PDLIM4: variants seen among roughly 807,000 people sequenced by gnomAD.
PDLIM4 encodes the protein PDZ and LIM domain 4, also known as PDZ and LIM domain protein 4.
A neutral mutation model predicts 31.3 loss-of-function variants in PDLIM4; 19 were observed. The ratio of observed to expected loss-of-function variants is 0.61; its 90% CI spans 0.42 to 0.89. PDLIM4 has a LOEUF of 0.89. Among genes scored for constraint, PDLIM4 ranks in the 40% least tolerant of loss-of-function variants. The probability of loss-of-function intolerance (pLI) is 0.00; values close to 1 mark genes in which losing one functional copy is unlikely to be tolerated. For synonymous variants in PDLIM4, 176 were observed against 190.1 expected, an observed-to-expected ratio of 0.93 and a Z score of 0.61; for missense variants, 442 against 461.1, an observed-to-expected ratio of 0.96 and a Z score of 0.38.
chr5:132,258,184 C>T (rs1455325646), intron 1 of PDLIM4, among the ~76,000 whole-genome samples: 2 of 152,228 alleles, frequency 1.3e-5, no homozygotes, highest in Non-Finnish European at 2.9e-5. Context: ...TCACCCCCTG[C>T]CTGAAGATCT....
chr5:132,271,021 T>G lies in PDLIM4; in HGVS notation c.434T>G (p.Val145Gly), dbSNP rs999578528. ...SPYGQPPRFP[V>G]PHNGSSEATL... Reference sequence around the variant, plus strand: ...TATGGACAACCCCCTCGCTTTCCAGTCCCTCACAATGGCAGCAGCGAGGCC... The same window carrying G: ...TATGGACAACCCCCTCGCTTTCCAGGCCCTCACAATGGCAGCAGCGAGGCC... The change falls in exon 4 of 7, where the codon GTC becomes GGC. Residue 145 changes from valine to glycine, a missense_variant. Physicochemically the swap from Val to Gly is moderately radical, Grantham distance 109. Coordinates refer to ENST00000253754, the MANE Select transcript of PDLIM4 (RefSeq NM_003687.4). 5 of 1,613,896 alleles carry G rather than the reference T, an allele frequency of 3.1e-6. No homozygotes were observed. In the African/African-American group the frequency reaches 5.3e-5, roughly 17 times the overall value.
In PDLIM4 at chr5:132,271,009, C is replaced by G. The variant is rs774632369; in HGVS notation, c.422C>G (p.Pro141Arg). Residue 141 changes from proline to arginine, a missense_variant, in exon 4 of 7, where the codon CCT becomes CGT. Coordinates refer to ENST00000253754, the MANE Select transcript of PDLIM4 (RefSeq NM_003687.4). ...PSLGSPYGQP[P>R]RFPVPHNGSS... Reference sequence around the variant, plus strand: ...CTGGGATCTCCATATGGACAACCCCCTCGCTTTCCAGTCCCTCACAATGGC... The same window carrying G: ...CTGGGATCTCCATATGGACAACCCCGTCGCTTTCCAGTCCCTCACAATGGC... 2 of 1,614,126 alleles carry G rather than the reference C, an allele frequency of 1.2e-6. No individual in the cohort carries two copies. The highest frequency in any genetic ancestry group is 2.2e-5 in the East Asian group (1 of 44,882).
rs763873827 is a variant in PDLIM4, at chr5:132,271,006, C to G, written c.419C>G (p.Pro140Arg). The G allele has an allele frequency of 1.9e-6, 3 of 1,614,142 alleles. No individual in the cohort carries two copies. In the East Asian group the frequency reaches 6.7e-5, roughly 36 times the overall value. The change falls in exon 4 of 7, where the codon CCC (proline) becomes CGC (arginine). Residue 140 changes from proline to arginine, a missense_variant. Physicochemically the swap from Pro to Arg is moderately radical, Grantham distance 103 (BLOSUM62 -2). Transcript: ENST00000253754. ...AGCCTGGGATCTCCATATGGACAACCCCCTCGCTTTCCAGTCCCTCACAAT... is the reference window on the plus strand; with the variant it reads ...AGCCTGGGATCTCCATATGGACAACGCCCTCGCTTTCCAGTCCCTCACAAT... ...RPSLGSPYGQ[P>R]PRFPVPHNGS...
Position 132,271,908 on chromosome 5 carries a change from T to G in PDLIM4, c.788T>G (p.Val263Gly). The G allele has an allele frequency of 2.5e-6, 4 of 1,603,124 alleles. No individual in the cohort carries two copies. In the South Asian group the frequency reaches 4.4e-5, roughly 18 times the overall value. ...PECTRCGHGI[V>G]GTIVKARDKL... is the part of the protein sequence containing the mutation. Reference sequence around the variant, plus strand: ...TGCACGCGCTGCGGCCACGGCATCGTGTGAGTAACCGCCCCCGCTGCCCCT... The same window carrying G: ...TGCACGCGCTGCGGCCACGGCATCGGGTGAGTAACCGCCCCCGCTGCCCCT... The change falls in exon 6 of 7, where the codon GTG becomes GGG. Residue 263 changes from valine to glycine, a missense_variant and splice_region_variant. Physicochemically the swap from Val to Gly is moderately radical, Grantham distance 109. Transcript: ENST00000253754.
rs1430571421 is a variant in PDLIM4 at position 132,262,780 on chromosome 5, G to A, written c.245+20G>A. The A allele has an allele frequency of 6.3e-7, 1 of 1,597,156 alleles. No individual in the cohort carries two copies. The highest frequency in any genetic ancestry group is 2.3e-5 in the East Asian group (1 of 44,326). On this transcript the variant is annotated intron_variant, in intron 2 of 6. Coordinates refer to ENST00000253754, the MANE Select transcript of PDLIM4 (RefSeq NM_003687.4). ...GAGCAGGTATGCACAGGTGGGCTGGGCTGGGAGGATGGAAGGACGAGGTGG... is the reference window on the plus strand; with the variant it reads ...GAGCAGGTATGCACAGGTGGGCTGGACTGGGAGGATGGAAGGACGAGGTGG...
At chr5:132,269,500 T>A (rs1400484679) in intron 3 of PDLIM4, among the ~76,000 whole-genome samples, 1 of 151,374 alleles carries the variant, frequency 6.6e-6, no homozygotes, top group African/African-American at 2.4e-5. Context: ...TGCTGCTGCA[T>A]TGATGGGGGC....
intron 1 of PDLIM4, chr5:132,261,360 C>G (rs983683116): frequency 2.0e-5 from 3 of 152,284 alleles, no homozygotes; most frequent in Non-Finnish European, 2.9e-5. Flanking sequence ...TGGGCAGTGC[C>G]AACACCAGGC....
At position 132,271,069 on chromosome 5, in the gene PDLIM4, C is replaced by T. The variant is rs1756598073; in HGVS notation, c.482C>T (p.Thr161Ile). 2 of 1,614,094 alleles carry T rather than the reference C, an allele frequency of 1.2e-6. No homozygotes were observed. The highest frequency in any genetic ancestry group is 1.7e-6 in the Non-Finnish European group (2 of 1,179,942). Residue 161 changes from threonine to isoleucine, a missense_variant, in exon 4 of 7, where the codon ACC becomes ATC. Coordinates refer to ENST00000253754, the MANE Select transcript of PDLIM4 (RefSeq NM_003687.4). ...SEATLPAQMSTLHVSPPPSAD... is the reference protein window; with the variant it reads ...SEATLPAQMSILHVSPPPSAD... ...GCCACCCTGCCAGCCCAGATGAGCA[C>T]CCTGCATGTGTCTCCACCCCCCAGG...
In PDLIM4 at chr5:132,257,962, TAG is replaced by T. The variant is rs1041386209; in HGVS notation, c.93+138_93+139del. On this transcript the variant is annotated intron_variant, in intron 1 of 6. Transcript: ENST00000253754. This position sits in a 1 kb window ranked among gnomAD's most constrained non-coding sequence, Gnocchi z 4.3. ...GTTGGCCTGGGCGCCCCGCATGCTG[TAG>T]AGGCGGCTTCCAGGCAGAGGCAGGC... 1.9e-5 allele frequency: 9 copies of T among 479,922 alleles called. No individual in the cohort carries two copies. Among genetic ancestry groups the T allele is most frequent in the Non-Finnish European group, 2.9e-5 (8 of 280,228 alleles). The allele number at this position is 479,922 out of a possible 1,614,324, so 29.7% of individuals were successfully genotyped here.
In PDLIM4 at chr5:132,257,703, G is replaced by A. The variant is rs770411241; in HGVS notation, c.-32G>A. 2.9e-6 allele frequency: 4 copies of A among 1,374,546 alleles called. No homozygotes were observed. Among genetic ancestry groups the A allele is most frequent in the Non-Finnish European group, 3.9e-6 (4 of 1,037,898 alleles). The allele number at this position is 1,374,546 out of a possible 1,614,324, so 85.1% of individuals were successfully genotyped here. On this transcript the variant is annotated 5_prime_UTR_variant, in exon 1 of 7. Coordinates refer to ENST00000253754, the MANE Select transcript of PDLIM4 (RefSeq NM_003687.4). The surrounding 1 kb of genome is among the most constrained non-coding windows in gnomAD (Gnocchi z 4.3). ...CGGCGGCGGCTCCTCCTCAGAGTCC[G>A]GCTCAGGCTCCGGCTGCGGCTCCAG...
chr5:132,260,339 C>T (rs550616408), intron 1 of PDLIM4, among the ~76,000 whole-genome samples: 5 of 152,312 alleles, frequency 3.3e-5, no homozygotes, highest in African/African-American at 4.8e-5. Context: ...CTAGACGGAT[C>T]GGCCTGAATT....
At chr5:132,260,616 C>A (rs1190397513) in intron 1 of PDLIM4, among the ~76,000 whole-genome samples, 2 of 152,160 alleles carry the variant, frequency 1.3e-5, no homozygotes, top group Non-Finnish European at 2.9e-5. Flanking sequence ...TTCCCTTACC[C>A]CCTTTGGAAG....
chr5:132,272,380 C>T lies in PDLIM4; in HGVS notation c.*151C>T, dbSNP rs1756648359. On this transcript the variant is annotated 3_prime_UTR_variant, in exon 7 of 7. Transcript: ENST00000253754. The stretch of plus-strand genomic sequence containing the variant: ...TCCTGCGCAGGCCATGCATGGCTCC[C>T]GAGTACAGTAGTATCTGCTTAGGTG... 3.0e-6 allele frequency: 2 copies of T among 671,002 alleles called. No individual in the cohort carries two copies. The highest frequency in any genetic ancestry group is 2.2e-5 in the Admixed American group (1 of 46,210). The allele number at this position is 671,002 out of a possible 1,614,324, so 41.6% of individuals were successfully genotyped here. A position where few individuals can be genotyped will look rare whatever the true frequency, so the allele number is the denominator to read the frequency against.
intron 3 of PDLIM4, among the ~76,000 whole-genome samples, 189 bp from the exon 4 acceptor site, chr5:132,270,726 C>T (rs1224439320): frequency 1.3e-5 from 2 of 152,238 alleles, no homozygotes; most frequent in Non-Finnish European, 2.9e-5. Flanking sequence ...AGGGGCATAA[C>T]CAGTCCCCAG....
chr5:132,265,911 C>T (rs923853728), intron 2 of PDLIM4, among the ~76,000 whole-genome samples: 16 of 152,282 alleles, frequency 1.1e-4, no homozygotes, highest in African/African-American at 3.4e-4. Flanking sequence ...CAGGAATTTC[C>T]TAATGGCCTG....
At chr5:132,266,112 T>A (rs566144042) in intron 2 of PDLIM4, among the ~76,000 whole-genome samples, 12 of 152,308 alleles carry the variant, frequency 7.9e-5, no homozygotes, top group African/African-American at 2.9e-4. Context: ...GTGTGAGGCC[T>A]GGCTTGCAGT....
chr5:132,272,986 CCAGGG>C lies in PDLIM4; in HGVS notation c.*761_*765del, dbSNP rs1369315002. 2.6e-5 allele frequency: 4 copies of C among 152,576 alleles called. No homozygotes were observed. In the East Asian group the frequency reaches 5.6e-4, roughly 22 times the overall value. 9.5% of individuals were successfully genotyped at this position (152,576 alleles called of 1,614,324 possible). A position where few individuals can be genotyped will look rare whatever the true frequency, so the allele number is the denominator to read the frequency against. ...GGTTTAGAAAGAAAAGAACACTTGC[CCAGGG>C]CAGCTTTGCCCTCCAAGAGGCTCCC... is the stretch of plus-strand genomic sequence containing the variant. On this transcript the variant is annotated 3_prime_UTR_variant, in exon 7 of 7. Transcript: ENST00000253754.
At chr5:132,259,991 T>C (rs1242540727) in intron 1 of PDLIM4, among the ~76,000 whole-genome samples, 1 of 152,214 alleles carries the variant, frequency 6.6e-6, no homozygotes, top group Non-Finnish European at 1.5e-5. Context: ...ACATGCCCTG[T>C]TTTTCTCAAA....
chr5:132,271,526 C>T, intron 5 of PDLIM4, 60 bp downstream of exon 5: 1 of 1,529,014 alleles, frequency 6.5e-7, no homozygotes, highest in Non-Finnish European at 9.0e-7. Context: ...CCCAGGTTGC[C>T]CCCTAGCGAC....
Sources: gnomAD v4.1 joint callset for allele counts (sites outside exome capture counted in the v4.1 genomes callset) on GRCh38, gnomAD v4.1.1 for gene constraint, Gnocchi (gnomAD v3.1) non-coding constraint, MANE v1.5 for transcripts, NCBI Gene and HGNC (gene_info 2026-07-23, HGNC 2026-07-21) for gene names.